The following SEC14L1 variants were observed in gnomAD, a reference collection of about 807,000 sequenced individuals.
The protein encoded by SEC14L1 is SEC14-like protein 1.
A neutral mutation model predicts 85.3 loss-of-function variants in SEC14L1; 48 were observed. The observed-to-expected ratio is 0.56, with a 90% CI of 0.45 to 0.72. SEC14L1 has a LOEUF of 0.72. Ranked by LOEUF, SEC14L1 falls within the 30% of genes least tolerant of loss-of-function variation. The pLI is 0.00. For synonymous variants in SEC14L1, 391 were observed against 355.5 expected (o/e 1.10, Z -1.12); for missense variants, 682 against 921.4 (o/e 0.74, Z 3.36).
At chr17:77,143,866 G>A (rs1430316986) in intron 3 of SEC14L1, 1 of 438,582 alleles carries the variant, frequency 2.3e-6, no homozygotes, top group African/African-American at 2.0e-5. Flanking sequence ...TAAAAAAAAT[G>A]CACCTCAGGG....
rs1039262188 is a variant in SEC14L1 at position 77,170,326 on chromosome 17, A to G, written c.64-20477A>G. 4.6e-5 allele frequency among the ~76,000 whole-genome samples: 7 copies of G among 151,926 alleles called. No individual in the cohort carries two copies. The South Asian group carries it at 6.3e-4, about 14-fold the overall frequency. ...TTTTGACTTGGGTGTGATGAGTGCA[A>G]CCGTTTTTGGTGGTCCTGACTGCCG... is the stretch of plus-strand genomic sequence containing the variant. On this transcript the variant is annotated intron_variant, in intron 3 of 16. Coordinates refer to ENST00000436233, the MANE Select transcript of SEC14L1 (RefSeq NM_001143998.2).
intron 3 of SEC14L1, among the ~76,000 whole-genome samples, chr17:77,106,871 A>G (rs950623056): frequency 1.3e-5 from 2 of 152,202 alleles, no homozygotes; most frequent in Non-Finnish European, 2.9e-5. Context: ...TTTGGTTCTC[A>G]GGAGAGAAAT....
chr17:77,098,218 G>A (rs1422932181), intron 3 of SEC14L1, among the ~76,000 whole-genome samples: 4 of 152,154 alleles, frequency 2.6e-5, no homozygotes, highest in Non-Finnish European at 5.9e-5. Context: ...CCTGTTCTAG[G>A]CCCGGTGCAG....
intron 7 of SEC14L1, 64 bp from the exon 8 acceptor site, chr17:77,196,138 A>T: frequency 7.6e-7 from 1 of 1,319,852 alleles, no homozygotes; most frequent in South Asian, 1.2e-5. Context: ...CACTGAGCAC[A>T]AAGACTTTGG....
At chr17:77,128,267 G>A (rs1972507363) in intron 3 of SEC14L1, among the ~76,000 whole-genome samples, 1 of 152,098 alleles carries the variant, frequency 6.6e-6, no homozygotes, top group African/African-American at 2.4e-5. Flanking sequence ...ATGTCTAGTA[G>A]GCAGCTGGGG....
intron 3 of SEC14L1, among the ~76,000 whole-genome samples, chr17:77,125,429 A>G (rs568724407): frequency 7.6e-5 from 11 of 145,256 alleles, no homozygotes; most frequent in African/African-American, 3.0e-4. Context: ...CTGAAGTTGC[A>G]GGTTTTTTTT....
chr17:77,107,385 T>A, intron 3 of SEC14L1, among the ~76,000 whole-genome samples: 1 of 152,040 alleles, frequency 6.6e-6, no homozygotes, highest in East Asian at 1.9e-4. Flanking sequence ...GAGCGCTGGG[T>A]AGGAACGAAA....
chr17:77,146,731 C>G (rs958100500), intron 3 of SEC14L1, among the ~76,000 whole-genome samples: 1 of 151,970 alleles, frequency 6.6e-6, no homozygotes, highest in African/African-American at 2.4e-5. Flanking sequence ...GACGCACACA[C>G]ACGCACGTAT....
chr17:77,108,670 C>T (rs569255391), intron 3 of SEC14L1, among the ~76,000 whole-genome samples: 2 of 150,258 alleles, frequency 1.3e-5, no homozygotes, highest in Admixed American at 6.7e-5. Context: ...ACCTGGGAGG[C>T]GGAAGTTGCA....
intron 3 of SEC14L1, among the ~76,000 whole-genome samples, chr17:77,126,517 G>A (rs1211645539): frequency 2.6e-5 from 4 of 152,182 alleles, no homozygotes; most frequent in Admixed American, 2.6e-4. Flanking sequence ...CGGTCTCCCT[G>A]ATATGGAATA....
intron 3 of SEC14L1, among the ~76,000 whole-genome samples, chr17:77,096,873 A>G (rs1462653998): frequency 1.3e-5 from 2 of 152,146 alleles, no homozygotes; most frequent in East Asian, 3.9e-4. Context: ...TCTGTCACCA[A>G]AAAGTTATGC....
intron 3 of SEC14L1, among the ~76,000 whole-genome samples, chr17:77,146,386 G>A (rs1279457408): frequency 6.6e-6 from 1 of 152,224 alleles, no homozygotes; most frequent in Admixed American, 6.5e-5. Context: ...TTTAATAAAA[G>A]AGGAGGTGTT....
At chr17:77,202,780 C>T (rs1383500738) in intron 9 of SEC14L1, among the ~76,000 whole-genome samples, 2 of 151,746 alleles carry the variant, frequency 1.3e-5, no homozygotes, top group Non-Finnish European at 1.5e-5. Context: ...ATTAGCCGGG[C>T]ATGGCAGCGT....
intron 3 of SEC14L1, among the ~76,000 whole-genome samples, chr17:77,120,939 C>T (rs1321034972): frequency 6.6e-6 from 1 of 152,122 alleles, no homozygotes; most frequent in Non-Finnish European, 1.5e-5. Context: ...AACAGAGCAT[C>T]GTTTTGTTAT....
intron 3 of SEC14L1, among the ~76,000 whole-genome samples, chr17:77,184,734 G>C (rs1053848943): frequency 6.6e-5 from 10 of 152,168 alleles, no homozygotes; most frequent in Non-Finnish European, 1.2e-4. Context: ...CTGGTTGCCA[G>C]GTTTGCTCAT....
rs574863642 is a variant in SEC14L1, at chr17:77,214,432, A to C, written c.*409A>C. 1.0e-6 allele frequency: 1 copy of C among 1,001,340 alleles called. No individual in the cohort carries two copies. Among genetic ancestry groups the C allele is most frequent in the African/African-American group, 1.7e-5 (1 of 57,526 alleles). The allele number at this position is 1,001,340 out of a possible 1,614,324, so 62.0% of individuals were successfully genotyped here. A position where few individuals can be genotyped will look rare whatever the true frequency, so the allele number is the denominator to read the frequency against. ...GATGGCCCCTCCTCACCTGGGACGG[A>C]AGCTGCCAGCTCGCTTCCCCCAAGC... On this transcript the variant is annotated 3_prime_UTR_variant, in exon 17 of 17. Transcript: ENST00000436233.
At chr17:77,130,857 C>A (rs942604752) in intron 3 of SEC14L1, among the ~76,000 whole-genome samples, 6 of 152,294 alleles carry the variant, frequency 3.9e-5, no homozygotes, top group African/African-American at 1.4e-4. Flanking sequence ...CCGCCCGCCT[C>A]GACTTCCCAA....
At chr17:77,185,504 C>A in intron 3 of SEC14L1, 1 of 413,666 alleles carries the variant, frequency 2.4e-6, no homozygotes, top group Non-Finnish European at 3.3e-6. Context: ...TTATGCTGAC[C>A]ACTCTTGTTT....
chr17:77,148,974 G>A (rs561587467), intron 3 of SEC14L1, among the ~76,000 whole-genome samples: 8 of 152,264 alleles, frequency 5.3e-5, no homozygotes, highest in East Asian at 3.9e-4. Flanking sequence ...CCGTTGGCCC[G>A]GACACACAGT....
Sources: gnomAD v4.1 joint callset for allele counts (sites outside exome capture counted in the v4.1 genomes callset) on GRCh38, gnomAD v4.1.1 for gene constraint, MANE v1.5 for transcripts, NCBI Gene and HGNC (gene_info 2026-07-23, HGNC 2026-07-21) for gene names.